DOCK3: variants seen among roughly 807,000 people sequenced by gnomAD.
DOCK3 encodes the protein dedicator of cytokinesis protein 3.
A neutral mutation model predicts 265.6 loss-of-function variants in DOCK3; 60 were observed. That is an observed-to-expected ratio of 0.23 (90% CI 0.18 to 0.28). The LOEUF (loss-of-function observed/expected upper bound fraction) is 0.28. Ranked by LOEUF, DOCK3 falls within the 10% of genes least tolerant of loss-of-function variation. The pLI is 1.00. For missense variants in DOCK3, 1,981 were observed against 2,594.3 expected (o/e 0.76, Z 5.14); for synonymous variants, 881 against 938.0 (o/e 0.94, Z 1.11).
intron 5 of DOCK3, among the ~76,000 whole-genome samples, chr3:50,962,128 T>C (rs1575618846): frequency 6.6e-6 from 1 of 152,088 alleles, no homozygotes; most frequent in African/African-American, 2.4e-5. Context: ...ATTAGGTATT[T>C]CTCCTAATGC....
At chr3:51,158,789 T>A (rs924175409) in intron 10 of DOCK3, among the ~76,000 whole-genome samples, 1 of 152,260 alleles carries the variant, frequency 6.6e-6, no homozygotes, top group African/African-American at 2.4e-5. Flanking sequence ...TCGTGTGTAA[T>A]AATCATTTGT....
intron 5 of DOCK3, among the ~76,000 whole-genome samples, chr3:50,935,161 G>C (rs2051286362): frequency 6.6e-6 from 1 of 152,162 alleles, no homozygotes; most frequent in African/African-American, 2.4e-5. Context: ...AGGAAAGCCT[G>C]TTCTCTCTAG....
At chr3:50,820,991 G>A (rs1012429839) in intron 2 of DOCK3, among the ~76,000 whole-genome samples, 1 of 151,484 alleles carries the variant, frequency 6.6e-6, no homozygotes, top group Non-Finnish European at 1.5e-5. Context: ...TTTTTTAATG[G>A]GGTTATTTGT....
intron 1 of DOCK3, among the ~76,000 whole-genome samples, chr3:50,736,023 T>C (rs1454892294): frequency 6.6e-6 from 1 of 152,318 alleles, no homozygotes; most frequent in Non-Finnish European, 1.5e-5. Context: ...TTACATTAGG[T>C]ATATCTCCTA....
chr3:51,186,487 A>G (rs2087611019), intron 12 of DOCK3, among the ~76,000 whole-genome samples: 1 of 152,218 alleles, frequency 6.6e-6, no homozygotes. Context: ...CTCTGAGGAG[A>G]AATTCAAGCT....
intron 32 of DOCK3, among the ~76,000 whole-genome samples, chr3:51,322,918 C>G (rs1477089140): frequency 7.4e-6 from 1 of 135,096 alleles, no homozygotes; most frequent in African/African-American, 2.8e-5. Flanking sequence ...ATCTCACATG[C>G]AAAGACACAC....
chr3:51,383,152 T>C lies in DOCK3; in HGVS notation c.*1593T>C, dbSNP rs1229420826. The C allele has an allele frequency of 2.0e-5, 3 of 152,232 alleles. No homozygotes were observed. The highest frequency in any genetic ancestry group is 1.9e-4 in the East Asian group (1 of 5,188). The allele number at this position is 152,232 out of a possible 1,614,324, so 9.4% of individuals were successfully genotyped here. A position where few individuals can be genotyped will look rare whatever the true frequency, so the allele number is the denominator to read the frequency against. On this transcript the variant is annotated 3_prime_UTR_variant, in exon 53 of 53. Transcript: ENST00000266037. ...TCCAGACAGTAAAGGCCATGGTCAG[T>C]GTGTTTTTCTCTTGTAAACAAACCC...
intron 3 of DOCK3, among the ~76,000 whole-genome samples, chr3:50,868,901 G>GTTTTTTTTTTTT (rs147898866): frequency 7.0e-5 from 1 of 14,266 alleles, no homozygotes; most frequent in African/African-American, 2.4e-4. Context: ...TGGATAATCT[G>GTTTTTTTTTTTT]TTTTTTTTTT....
At chr3:50,875,270 AGTTTGGGT>A (rs2047648875) in intron 3 of DOCK3, among the ~76,000 whole-genome samples, 1 of 152,158 alleles carries the variant, frequency 6.6e-6, no homozygotes, top group South Asian at 2.1e-4. Flanking sequence ...TTAAAATTCC[AGTTTGGGT>A]ACCCTTTCAC....
chr3:50,803,715 C>A (rs1576480229), intron 2 of DOCK3, among the ~76,000 whole-genome samples: 2 of 151,194 alleles, frequency 1.3e-5, no homozygotes, highest in African/African-American at 4.9e-5. Flanking sequence ...CCCCACCTCC[C>A]TCCCAGATGG....
chr3:50,883,489 C>G (rs1478980530), intron 3 of DOCK3, among the ~76,000 whole-genome samples: 2 of 151,958 alleles, frequency 1.3e-5, no homozygotes, highest in Admixed American at 6.6e-5. Context: ...TTTCTTTCTG[C>G]TTAGAGAATT....
intron 10 of DOCK3, among the ~76,000 whole-genome samples, chr3:51,152,321 G>A (rs971588762): frequency 6.6e-6 from 1 of 151,920 alleles, no homozygotes; most frequent in Admixed American, 6.6e-5. Flanking sequence ...TGTAGCTCTC[G>A]AGCCATGGTT....
chr3:50,728,157 A>G (rs1481700422), intron 1 of DOCK3, among the ~76,000 whole-genome samples: 1 of 152,206 alleles, frequency 6.6e-6, no homozygotes, highest in African/African-American at 2.4e-5. Context: ...ACTTTCAAAT[A>G]TTTGGAAATA....
chr3:50,780,619 A>G (rs1200954778), intron 2 of DOCK3, among the ~76,000 whole-genome samples: 5 of 152,202 alleles, frequency 3.3e-5, no homozygotes, highest in Non-Finnish European at 7.3e-5. Flanking sequence ...TTTGGTGCAT[A>G]TAATATATAG....
At chr3:51,177,632 A>G (rs996306528) in intron 12 of DOCK3, among the ~76,000 whole-genome samples, 7 of 152,240 alleles carry the variant, frequency 4.6e-5, no homozygotes, top group Non-Finnish European at 7.3e-5. Context: ...AGAGCAAAGC[A>G]TAGGAGAAAG....
At chr3:51,272,407 G>T (rs553146490) in intron 24 of DOCK3, among the ~76,000 whole-genome samples, 2 of 149,038 alleles carry the variant, frequency 1.3e-5, no homozygotes, top group African/African-American at 5.0e-5. Context: ...CTCCCAAGTA[G>T]TTGGGACTAC....
intron 27 of DOCK3, among the ~76,000 whole-genome samples, chr3:51,284,927 A>G (rs2081326915): frequency 6.6e-6 from 1 of 152,220 alleles, no homozygotes; most frequent in Non-Finnish European, 1.5e-5. Flanking sequence ...CAACGTTTGC[A>G]ACAGATCCTC....
At chr3:51,175,278 C>G (rs2086881679) in intron 12 of DOCK3, among the ~76,000 whole-genome samples, 1 of 151,954 alleles carries the variant, frequency 6.6e-6, no homozygotes, top group Admixed American at 6.6e-5. Flanking sequence ...ACTTTAAGAT[C>G]CAAAGTCAGA....
Position 51,382,237 on chromosome 3 carries a change from G to A in DOCK3, c.*678G>A, listed in dbSNP as rs1231786814. The A allele has an allele frequency of 6.6e-6, 1 of 152,406 alleles. No individual in the cohort carries two copies. Among genetic ancestry groups the A allele is most frequent in the Non-Finnish European group, 1.5e-5 (1 of 68,090 alleles). 9.4% of individuals were successfully genotyped at this position (152,406 alleles called of 1,614,324 possible). On this transcript the variant is annotated 3_prime_UTR_variant, in exon 53 of 53. Coordinates refer to ENST00000266037, the MANE Select transcript of DOCK3 (RefSeq NM_004947.5). ...GCCAGCCGTCTCCTACTCCACCTTG[G>A]ATTTTTCTCTCCATCACATCATTTC...
Sources: gnomAD v4.1 joint callset for allele counts (sites outside exome capture counted in the v4.1 genomes callset) on GRCh38, gnomAD v4.1.1 for gene constraint, MANE v1.5 for transcripts, NCBI Gene and HGNC (gene_info 2026-07-23, HGNC 2026-07-21) for gene names.